Variants in APBB1IP observed in about 807,000 individuals in gnomAD.
The protein encoded by APBB1IP is amyloid beta precursor protein binding family B member 1 interacting protein.
APBB1IP carries 27 observed loss-of-function variants against 64.9 expected under a neutral mutation model. That is an observed-to-expected ratio of 0.42 (90% CI 0.31 to 0.57). The LOEUF (loss-of-function observed/expected upper bound fraction) is 0.57, where lower values mean the gene tolerates loss of function less well. APBB1IP is among the 20% of genes least tolerant of loss of function. The pLI, the probability that APBB1IP is intolerant of heterozygous loss-of-function variation, is 0.20. For synonymous variants in APBB1IP, 392 were observed against 331.0 expected (o/e 1.18, Z -2.00); for missense variants, 812 against 845.5 (o/e 0.96, Z 0.49).
intron 11 of APBB1IP, among the ~76,000 whole-genome samples, chr10:26,557,073 A>C (rs1370349055): frequency 1.3e-5 from 2 of 152,208 alleles, no homozygotes; most frequent in Non-Finnish European, 2.9e-5. Context: ...AATTAAGAAA[A>C]CAAATCCTTT....
intron 11 of APBB1IP, among the ~76,000 whole-genome samples, chr10:26,559,840 C>T (rs1178680972): frequency 6.6e-6 from 1 of 151,870 alleles, no homozygotes; most frequent in Non-Finnish European, 1.5e-5. Context: ...GATGGGGTTT[C>T]ACCACGTTGG....
At chr10:26,454,617 A>C (rs1278642336) in intron 2 of APBB1IP, among the ~76,000 whole-genome samples, 1 of 152,192 alleles carries the variant, frequency 6.6e-6, no homozygotes, top group Non-Finnish European at 1.5e-5. Flanking sequence ...ATGGGTCCAA[A>C]AAAACCAGAA....
intron 2 of APBB1IP, among the ~76,000 whole-genome samples, chr10:26,466,512 T>A (rs1053359983): frequency 2.6e-5 from 4 of 152,202 alleles, no homozygotes; most frequent in Admixed American, 6.5e-5. Context: ...CAAGAAGTTA[T>A]CCAGTTGGCT....
chr10:26,564,945 T>C (rs1025252519), intron 14 of APBB1IP, among the ~76,000 whole-genome samples: 6 of 152,214 alleles, frequency 3.9e-5, no homozygotes, highest in Non-Finnish European at 8.8e-5. Context: ...GCCAAGCTTG[T>C]AATCGGCTCC....
chr10:26,503,289 C>G lies in APBB1IP; in HGVS notation c.531+15C>G. On this transcript the variant is annotated intron_variant, in intron 6 of 14. Transcript: ENST00000376236. ...AGGTTAAGAAGGTGAATCATGAATCCCTTTTGCATGGGGGCAGTTCAATTA... is the reference window on the plus strand; with the variant it reads ...AGGTTAAGAAGGTGAATCATGAATCGCTTTTGCATGGGGGCAGTTCAATTA... 2 of 1,613,424 alleles carry G rather than the reference C, an allele frequency of 1.2e-6. No homozygotes were observed. The highest frequency in any genetic ancestry group is 1.7e-6 in the Non-Finnish European group (2 of 1,179,540).
At chr10:26,542,889 C>T (rs1306043351) in intron 11 of APBB1IP, among the ~76,000 whole-genome samples, 14 of 150,880 alleles carry the variant, frequency 9.3e-5, no homozygotes, top group Non-Finnish European at 2.9e-5. Flanking sequence ...GGCATTTTGC[C>T]TCCAAGGGTC....
At chr10:26,504,437 C>A (rs1286150474) in intron 6 of APBB1IP, among the ~76,000 whole-genome samples, 1 of 152,136 alleles carries the variant, frequency 6.6e-6, no homozygotes, top group African/African-American at 2.4e-5. Flanking sequence ...AGGCTGGGCG[C>A]GGTGGCTCAT....
chr10:26,537,497 C>T (rs1288300906), intron 10 of APBB1IP, among the ~76,000 whole-genome samples: 1 of 152,228 alleles, frequency 6.6e-6, no homozygotes, highest in Non-Finnish European at 1.5e-5. Context: ...TCTGCCATCT[C>T]ATTCCAGTCC....
chr10:26,491,073 G>A (rs1194939184), intron 2 of APBB1IP, among the ~76,000 whole-genome samples: 6 of 152,138 alleles, frequency 3.9e-5, no homozygotes, highest in Non-Finnish European at 8.8e-5. Context: ...GAGGTCAGGA[G>A]TTTGAGACCA....
chr10:26,474,560 A>C lies in APBB1IP; in HGVS notation c.1-17767A>C, dbSNP rs1835754787. Among the ~76,000 whole-genome samples, 3 of 152,248 alleles carry C rather than the reference A, an allele frequency of 2.0e-5. No homozygotes were observed. In the South Asian group the frequency reaches 6.2e-4, roughly 31 times the overall value. Reference sequence around the variant, plus strand: ...GTTAATTAGCTAGAACTAAGCATTCAACAATGTACACATACTTCAAAACAT... The same window carrying C: ...GTTAATTAGCTAGAACTAAGCATTCCACAATGTACACATACTTCAAAACAT... On this transcript the variant is annotated intron_variant, in intron 2 of 14. Coordinates refer to ENST00000376236, the MANE Select transcript of APBB1IP (RefSeq NM_019043.4).
chr10:26,478,343 G>A (rs1202670589), intron 2 of APBB1IP, among the ~76,000 whole-genome samples: 1 of 152,210 alleles, frequency 6.6e-6, no homozygotes, highest in African/African-American at 2.4e-5. Context: ...AGTGAGTGGG[G>A]CGGGAGGATG....
At chr10:26,536,514 G>A (rs1836625301) in intron 10 of APBB1IP, among the ~76,000 whole-genome samples, 1 of 150,508 alleles carries the variant, frequency 6.6e-6, no homozygotes, top group Admixed American at 6.6e-5. Context: ...TTTTACCCCT[G>A]TTGTTCTATT....
intron 14 of APBB1IP, among the ~76,000 whole-genome samples, chr10:26,563,453 G>T (rs983790825): frequency 5.3e-5 from 8 of 152,174 alleles, no homozygotes; most frequent in African/African-American, 1.9e-4. Context: ...TGATGGAGGA[G>T]AAAATACATT....
At chr10:26,492,424 ATTGG>A (rs1401189239) in intron 3 of APBB1IP, 26 bp downstream of exon 3, 1 of 1,603,188 alleles carries the variant, frequency 6.2e-7, no homozygotes, top group South Asian at 1.1e-5. Flanking sequence ...TAACTGGCAA[ATTGG>A]AAAACAAAAA....
intron 2 of APBB1IP, among the ~76,000 whole-genome samples, chr10:26,451,928 A>T (rs1835469451): frequency 6.6e-6 from 1 of 151,510 alleles, no homozygotes; most frequent in African/African-American, 2.4e-5. Flanking sequence ...ATTAGATATC[A>T]ATTATCAACA....
chr10:26,485,406 C>A (rs1316886185), intron 2 of APBB1IP, among the ~76,000 whole-genome samples: 1 of 152,182 alleles, frequency 6.6e-6, no homozygotes, highest in African/African-American at 2.4e-5. Flanking sequence ...GATCTGGACT[C>A]TAGCCCAGTT....
intron 2 of APBB1IP, among the ~76,000 whole-genome samples, chr10:26,457,564 G>T (rs1249305702): frequency 2.6e-5 from 4 of 152,192 alleles, no homozygotes; most frequent in African/African-American, 4.8e-5. Context: ...TTTGTCCCCA[G>T]TTCCCAAGAT....
At chr10:26,481,727 A>T (rs566782433) in intron 2 of APBB1IP, among the ~76,000 whole-genome samples, 1 of 151,748 alleles carries the variant, frequency 6.6e-6, no homozygotes, top group Non-Finnish European at 1.5e-5. Flanking sequence ...GCCTCAAGTG[A>T]TCCTCCCACC....
chr10:26,565,797 T>C (rs1055160992), intron 14 of APBB1IP, among the ~76,000 whole-genome samples: 2 of 152,140 alleles, frequency 1.3e-5, no homozygotes, highest in Non-Finnish European at 2.9e-5. Flanking sequence ...GTGTGGGATA[T>C]GGGGAAGAGG....
Sources: allele counts gnomAD v4.1 joint callset (sites outside exome capture counted in the v4.1 genomes callset), GRCh38; gene constraint gnomAD v4.1.1; transcripts MANE v1.5; gene names NCBI Gene and HGNC (gene_info 2026-07-23, HGNC 2026-07-21).